KAZN: variants seen among roughly 807,000 people sequenced by gnomAD.
KAZN encodes kazrin, periplakin interacting protein.
A neutral mutation model predicts 87.4 loss-of-function variants in KAZN; 40 were observed. The observed-to-expected ratio is 0.46, with a 90% CI of 0.36 to 0.60. The LOEUF (loss-of-function observed/expected upper bound fraction) is 0.60, where lower values mean the gene tolerates loss of function less well. Ranked by LOEUF, KAZN falls within the 20% of genes least tolerant of loss-of-function variation. The pLI, the probability that KAZN is intolerant of heterozygous loss-of-function variation, is 0.00. For synonymous variants in KAZN, 466 were observed against 458.3 expected (o/e 1.02, Z -0.22); for missense variants, 898 against 1,073.9 (o/e 0.84, Z 2.29).
rs1488006773 is a variant in KAZN at position 14,599,676 on chromosome 1, G to A, written c.226+453G>A. The stretch of plus-strand genomic sequence containing the variant: ...CGTGGTTGGGATAGAGGATTGCACT[G>A]CTGTGCACTTTTCTCCGCGGATGCC... On this transcript the variant is annotated intron_variant, in intron 1 of 14. Transcript: ENST00000376030. This position sits in a 1 kb window ranked among gnomAD's most constrained non-coding sequence, Gnocchi z 4.4. Among the ~76,000 whole-genome samples the A allele has an allele frequency of 6.6e-6, 1 of 152,234 alleles. No homozygotes were observed. The highest frequency in any genetic ancestry group is 1.5e-5 in the Non-Finnish European group (1 of 68,034).
At chr1:14,283,453 C>CA (rs1362014629) in intron 2 of KAZN, among the ~76,000 whole-genome samples, 4 of 151,952 alleles carry the variant, frequency 2.6e-5, no homozygotes, top group Non-Finnish European at 4.4e-5. Flanking sequence ...ACGTCTCTTA[C>CA]AAAAAAATTC....
rs535363704 is a variant in KAZN, at chr1:14,432,824, T to G, written c.250-166159T>G. Among the ~76,000 whole-genome samples the G allele has an allele frequency of 1.1e-4, 17 of 152,218 alleles. No homozygotes were observed. In the South Asian group the frequency reaches 3.1e-3, roughly 28 times the overall value. On this transcript the variant is annotated intron_variant, in intron 2 of 16. Transcript: ENST00000636203. ...CACTTGTAAGTGAGAACATGCGGTGTTTGGTTTTCTGTTCCTGTGTTAGTT... is the reference window on the plus strand; with the variant it reads ...CACTTGTAAGTGAGAACATGCGGTGGTTGGTTTTCTGTTCCTGTGTTAGTT...
At chr1:14,201,898 C>T (rs1362034346) in intron 2 of KAZN, among the ~76,000 whole-genome samples, 2 of 152,160 alleles carry the variant, frequency 1.3e-5, no homozygotes, top group Non-Finnish European at 2.9e-5. Context: ...AAATTCCCGA[C>T]CTCAGGTGAT....
rs138099154 is a variant in KAZN at position 14,084,707 on chromosome 1, T to C, written c.92-95728T>C. Among the ~76,000 whole-genome samples, 337 of 131,676 alleles carry C rather than the reference T, an allele frequency of 2.6e-3. 2 individuals carry two copies. The highest frequency in any genetic ancestry group is 9.2e-3 in the African/African-American group (326 of 35,262). The allele number at this position is 131,676 out of a possible 152,430, so 86.4% of individuals were successfully genotyped here. ...ATACAATAGTCATTAAAAATGTACA[T>C]GTGTGTCACCAGGGCCTGTTGTGGG... is the stretch of plus-strand genomic sequence containing the variant. On this transcript the variant is annotated intron_variant, in intron 1 of 16. Coordinates refer to the KAZN transcript ENST00000636203.
intron 1 of KAZN, among the ~76,000 whole-genome samples, chr1:14,764,384 A>ACCCCCCC (rs1408862725): frequency 9.5e-6 from 1 of 105,154 alleles, no homozygotes; most frequent in Non-Finnish European, 1.9e-5. Context: ...CCCCTCCCCC[A>ACCCCCCC]CACCCCCCCC....
Position 15,054,039 on chromosome 1 carries a change from T to C in KAZN, c.727-2052T>C, listed in dbSNP as rs12043121. Among the ~76,000 whole-genome samples, 651 of 152,002 alleles carry C rather than the reference T, an allele frequency of 4.3e-3. 3 individuals are homozygous for C. The highest frequency in any genetic ancestry group is 0.042 in the South Asian group (203 of 4,796). The stretch of plus-strand genomic sequence containing the variant: ...GGAGGGAGTGACTTGTCTAAAATAA[T>C]ACAGCTGGTTGATGTGATGAGAGTG... On this transcript the variant is annotated intron_variant, in intron 4 of 14. Transcript: ENST00000376030.
In KAZN at chr1:13,947,188, C is replaced by T. The variant is rs542301885; in HGVS notation, c.91+53432C>T. On this transcript the variant is annotated intron_variant, in intron 1 of 16. Coordinates refer to the KAZN transcript ENST00000636203. ...GGCTGGGGAAGCCTCAGGAAACTCA[C>T]GATCATGGCAGAAGGGGAAGAAGGC... 7.2e-5 allele frequency among the ~76,000 whole-genome samples: 11 copies of T among 152,230 alleles called. No individual in the cohort carries two copies. The East Asian group carries it at 1.2e-3, about 16-fold the overall frequency.
chr1:14,186,876 C>T (rs1275306592), intron 2 of KAZN, among the ~76,000 whole-genome samples: 1 of 152,082 alleles, frequency 6.6e-6, no homozygotes, highest in African/African-American at 2.4e-5. Flanking sequence ...TAACTCTCCT[C>T]CCCCACCAGA....
At chr1:14,547,931 A>G (rs1290494039) in intron 2 of KAZN, among the ~76,000 whole-genome samples, 1 of 151,954 alleles carries the variant, frequency 6.6e-6, no homozygotes, top group Non-Finnish European at 1.5e-5. Context: ...CAAAGTTAGG[A>G]TCTAAAACAG....
intron 1 of KAZN, among the ~76,000 whole-genome samples, chr1:14,789,491 C>T (rs953173923): frequency 6.6e-6 from 1 of 152,144 alleles, no homozygotes; most frequent in Non-Finnish European, 1.5e-5. Context: ...TGCCTCTCAC[C>T]TGAACCAGCC....
intron 2 of KAZN, among the ~76,000 whole-genome samples, chr1:14,377,375 G>A (rs896753892): frequency 4.6e-5 from 7 of 152,164 alleles, no homozygotes; most frequent in Admixed American, 1.3e-4. Context: ...GTGGAAAGAC[G>A]GTGCATTATG....
At chr1:14,060,139 G>A (rs1460993910) in intron 1 of KAZN, among the ~76,000 whole-genome samples, 1 of 152,016 alleles carries the variant, frequency 6.6e-6, no homozygotes, top group East Asian at 1.9e-4. Flanking sequence ...CGAGGCGGGC[G>A]GATCACAAGG....
At chr1:14,248,733 C>T (rs187459807) in intron 2 of KAZN, among the ~76,000 whole-genome samples, 1 of 152,342 alleles carries the variant, frequency 6.6e-6, no homozygotes, top group African/African-American at 2.4e-5. Context: ...TTCTTTGACA[C>T]TCTTCCCATG....
chr1:13,973,179 G>A (rs574509525), intron 1 of KAZN, among the ~76,000 whole-genome samples: 1 of 152,012 alleles, frequency 6.6e-6, no homozygotes, highest in South Asian at 2.1e-4. Flanking sequence ...TATTCCAGAC[G>A]ATGTACTAAG....
At chr1:14,965,472 CAAT>C (rs372805475) in intron 2 of KAZN, among the ~76,000 whole-genome samples, 1 of 152,220 alleles carries the variant, frequency 6.6e-6, no homozygotes, top group African/African-American at 2.4e-5. Context: ...AGCACAGAAA[CAAT>C]GATAGTGAAA....
chr1:14,444,260 C>T (rs1666852999), intron 2 of KAZN, among the ~76,000 whole-genome samples: 1 of 151,868 alleles, frequency 6.6e-6, no homozygotes, highest in African/African-American at 2.4e-5. Context: ...TCTTTGGTGT[C>T]ACCCGCCCTC....
chr1:14,191,015 G>T (rs1241512349), intron 2 of KAZN, among the ~76,000 whole-genome samples: 1 of 152,180 alleles, frequency 6.6e-6, no homozygotes, highest in Non-Finnish European at 1.5e-5. Context: ...TCAGGAGAAA[G>T]AGGAAAATAG....
intron 1 of KAZN, among the ~76,000 whole-genome samples, chr1:14,726,199 T>C (rs1340088103): frequency 6.6e-6 from 1 of 152,208 alleles, no homozygotes. Context: ...CAAGCCCTTG[T>C]GTGGAGGTAT....
intron 1 of KAZN, among the ~76,000 whole-genome samples, chr1:13,896,918 G>A (rs955003438): frequency 6.6e-6 from 1 of 152,196 alleles, no homozygotes; most frequent in African/African-American, 2.4e-5. Context: ...TGGAGGCAGG[G>A]CAAAATTGGG....
Sources: allele counts gnomAD v4.1 joint callset (sites outside exome capture counted in the v4.1 genomes callset), GRCh38; gene constraint gnomAD v4.1.1; non-coding constraint Gnocchi (gnomAD v3.1); transcripts MANE v1.5; gene names NCBI Gene and HGNC (gene_info 2026-07-23, HGNC 2026-07-21).